The following REEP5 variants were observed in gnomAD, a reference collection of about 807,000 sequenced individuals.
REEP5 encodes the protein receptor accessory protein 5.
Under a neutral mutation model 22.4 loss-of-function variants are expected in REEP5, and 24 were observed. The observed-to-expected ratio is 1.07, with a 90% CI of 0.78 to 1.51. The LOEUF (loss-of-function observed/expected upper bound fraction) is 1.51, where lower values mean the gene tolerates loss of function less well. REEP5 is among the 40% of genes most tolerant of loss of function. The pLI is 0.00. For synonymous variants in REEP5, 103 were observed against 88.6 expected, an observed-to-expected ratio of 1.16 and a Z score of -0.92; for missense variants, 252 against 233.0, an observed-to-expected ratio of 1.08 and a Z score of -0.53.
intron 4 of REEP5, chr5:112,882,092 T>G (rs1016459739): frequency 1.3e-5 from 2 of 153,980 alleles, no homozygotes; most frequent in African/African-American, 4.8e-5. Flanking sequence ...TTTTAATTAT[T>G]GATGATTTTA....
In REEP5 at chr5:112,876,565, G is replaced by A. The variant is rs1387419900; in HGVS notation, c.*2221C>T. 1 of 152,150 alleles carries A rather than the reference G, an allele frequency of 6.6e-6. No individual in the cohort carries two copies. Among genetic ancestry groups the A allele is most frequent in the East Asian group, 1.9e-4 (1 of 5,196 alleles). 9.4% of individuals were successfully genotyped at this position (152,150 alleles called of 1,614,324 possible). ...GAAGCCTTCAGGTAAGGGAATAACT[G>A]CTGCAGGAATTCTTTCTTGAAGAAT... On this transcript the variant is annotated 3_prime_UTR_variant, in exon 5 of 5. Transcript: ENST00000379638.
At chr5:112,884,836 CT>C (rs1768193011) in intron 4 of REEP5, among the ~76,000 whole-genome samples, 1 of 151,298 alleles carries the variant, frequency 6.6e-6, no homozygotes, top group Non-Finnish European at 1.5e-5. Flanking sequence ...GGTAAATATA[CT>C]ATCTAATTTT....
chr5:112,897,142 G>T (rs1224748973), intron 3 of REEP5: 1 of 151,910 alleles, frequency 6.6e-6, no homozygotes, highest in Admixed American at 6.6e-5. Flanking sequence ...ATTGAAAAAA[G>T]CAAGACACAG....
At chr5:112,895,573 C>A (rs760530510) in intron 3 of REEP5, 12 of 152,176 alleles carry the variant, frequency 7.9e-5, no homozygotes, top group African/African-American at 2.9e-4. Flanking sequence ...TGACTACTTT[C>A]TGGTACCCTC....
At chr5:112,900,904 C>G (rs1171433029) in intron 3 of REEP5, among the ~76,000 whole-genome samples, 1 of 149,432 alleles carries the variant, frequency 6.7e-6, no homozygotes, top group Admixed American at 6.7e-5. Flanking sequence ...GTAGTGTGAT[C>G]TCGGTTCACT....
chr5:112,913,915 T>C (rs1367175084), intron 2 of REEP5, among the ~76,000 whole-genome samples: 2 of 135,006 alleles, frequency 1.5e-5, no homozygotes, highest in Non-Finnish European at 3.3e-5. Context: ...TGAATGTGTG[T>C]GTGTTTGTGT....
intron 3 of REEP5, chr5:112,892,900 G>C (rs764088519): frequency 3.1e-6 from 5 of 1,610,348 alleles, no homozygotes; most frequent in Non-Finnish European, 4.2e-6. Context: ...AAAGAGTCGG[G>C]AGAGGCACAA....
At chr5:112,898,413 T>C (rs547993845) in intron 3 of REEP5, 36 of 152,372 alleles carry the variant, frequency 2.4e-4, no homozygotes, top group African/African-American at 7.5e-4. Context: ...TGCACATTCA[T>C]TTTACCATTA....
chr5:112,918,193 T>G (rs1769272168), intron 2 of REEP5, among the ~76,000 whole-genome samples: 1 of 152,022 alleles, frequency 6.6e-6, no homozygotes, highest in South Asian at 2.1e-4. Flanking sequence ...AAGTCAGAGA[T>G]GAAAGACCCT....
At chr5:112,886,884 G>A (rs537930418) in intron 4 of REEP5, 131 bp downstream of exon 4, 229 of 620,944 alleles carry the variant, frequency 3.7e-4, no homozygotes, top group Middle Eastern at 4.9e-4. Context: ...ACTTTGTAAA[G>A]AAATCCCAGA....
At chr5:112,890,836 A>C (rs1768416643) in intron 3 of REEP5, among the ~76,000 whole-genome samples, 1 of 150,878 alleles carries the variant, frequency 6.6e-6, no homozygotes, top group African/African-American at 2.5e-5. Context: ...TATACAAGTT[A>C]CTTAATCACT....
rs1189659789 is a variant in REEP5 at position 112,877,863 on chromosome 5, A to AAGAT, written c.*919_*922dup. Reference sequence around the variant, plus strand: ...TAAATCAACATGTTTCTCCGCTTTGAAGATAAAACCAGAAATGGTTTCCAT... The same window carrying AAGAT: ...TAAATCAACATGTTTCTCCGCTTTGAAGATAGATAAAACCAGAAATGGTTTCCAT... On this transcript the variant is annotated 3_prime_UTR_variant, in exon 5 of 5. Coordinates refer to ENST00000379638, the MANE Select transcript of REEP5 (RefSeq NM_005669.5). 2 of 152,226 alleles carry AAGAT rather than the reference A, an allele frequency of 1.3e-5. No individual in the cohort carries two copies. Among genetic ancestry groups the AAGAT allele is most frequent in the East Asian group, 3.8e-4 (2 of 5,206 alleles). 9.4% of individuals were successfully genotyped at this position (152,226 alleles called of 1,614,324 possible).
rs1455294225 is a variant in REEP5 at position 112,877,691 on chromosome 5, A to G, written c.*1095T>C. ...TATGGGTTACTTTATACTTCCTTTC[A>G]TTCTCCCAGAATTGCTCTTAGAGCT... On this transcript the variant is annotated 3_prime_UTR_variant, in exon 5 of 5. Coordinates refer to ENST00000379638, the MANE Select transcript of REEP5 (RefSeq NM_005669.5). The G allele has an allele frequency of 6.6e-6, 1 of 152,246 alleles. No homozygotes were observed. Among genetic ancestry groups the G allele is most frequent in the East Asian group, 1.9e-4 (1 of 5,172 alleles). 9.4% of individuals were successfully genotyped at this position (152,246 alleles called of 1,614,324 possible).
At position 112,889,418 on chromosome 5, in the gene REEP5, A is replaced by T. The variant is rs191923003; in HGVS notation, c.352-2235T>A. Among the ~76,000 whole-genome samples the T allele has an allele frequency of 4.5e-3, 682 of 151,060 alleles. 19 individuals are homozygous for T. Among genetic ancestry groups the T allele is most frequent in the Middle Eastern group, 0.01 (3 of 292 alleles). On this transcript the variant is annotated intron_variant, in intron 3 of 4. Coordinates refer to ENST00000379638, the MANE Select transcript of REEP5 (RefSeq NM_005669.5). ...AATAGCTCATTAGCAATATTAATAC[A>T]TACAAATTACTTAAGGCAAAATAAG...
intron 4 of REEP5, 36 bp downstream of exon 4, chr5:112,886,979 T>A: frequency 2.7e-6 from 4 of 1,496,372 alleles, no homozygotes; most frequent in Non-Finnish European, 3.7e-6. Flanking sequence ...TCACATCTCC[T>A]CTCACATGTG....
intron 2 of REEP5, among the ~76,000 whole-genome samples, chr5:112,911,064 C>G (rs946146324): frequency 6.6e-6 from 1 of 152,154 alleles, no homozygotes; most frequent in Non-Finnish European, 1.5e-5. Flanking sequence ...GGCTTTGGGA[C>G]AAAATTTTCC....
At position 112,887,005 on chromosome 5, in the gene REEP5, T is replaced by C; in HGVS notation, c.520+10A>G. The C allele has an allele frequency of 1.9e-6, 3 of 1,581,446 alleles. No homozygotes were observed. The highest frequency in any genetic ancestry group is 2.6e-6 in the Non-Finnish European group (3 of 1,155,212). On this transcript the variant is annotated intron_variant, in intron 4 of 4. Coordinates refer to ENST00000379638, the MANE Select transcript of REEP5 (RefSeq NM_005669.5). ...CTCACATGTGGGGCCATCTTGTTCC[T>C]GAGTCTTACCTTCTTTAGTGATGGC...
chr5:112,880,844 C>T (rs1372854296), intron 4 of REEP5, among the ~76,000 whole-genome samples: 1 of 152,058 alleles, frequency 6.6e-6, no homozygotes, highest in African/African-American at 2.4e-5. Context: ...AGCTGGTAAT[C>T]CTGGCTGGGC....
At chr5:112,888,733 G>A (rs1768340758) in intron 3 of REEP5, among the ~76,000 whole-genome samples, 1 of 150,932 alleles carries the variant, frequency 6.6e-6, no homozygotes, top group Non-Finnish European at 1.5e-5. Flanking sequence ...TTTTAAGACA[G>A]AGACTTGCTA....
Sources: allele counts gnomAD v4.1 joint callset (sites outside exome capture counted in the v4.1 genomes callset), GRCh38; gene constraint gnomAD v4.1.1; transcripts MANE v1.5; gene names NCBI Gene and HGNC (gene_info 2026-07-23, HGNC 2026-07-21).